The following BANK1 variants were observed in gnomAD, a reference collection of about 807,000 sequenced individuals.
The protein encoded by BANK1 is B-cell scaffold protein with ankyrin repeats.
In BANK1, 95 loss-of-function variants were observed where a neutral mutation model predicts 94.5. That is an observed-to-expected ratio of 1.00 (90% CI 0.85 to 1.19). The LOEUF (loss-of-function observed/expected upper bound fraction) is 1.19, where lower values mean the gene tolerates loss of function less well. Among genes scored for constraint, BANK1 ranks in the 50% most tolerant of loss-of-function variants. BANK1 has a pLI of 0.00. For synonymous variants in BANK1, 334 were observed against 308.4 expected (o/e 1.08, Z -0.87); for missense variants, 987 against 932.2 (o/e 1.06, Z -0.77).
At chr4:101,971,865 G>A (rs1724966769) in intron 7 of BANK1, among the ~76,000 whole-genome samples, 1 of 151,998 alleles carries the variant, frequency 6.6e-6, no homozygotes, top group Non-Finnish European at 1.5e-5. Context: ...TCTTGCCAGT[G>A]CCGTGCTGTT....
At chr4:101,907,135 T>C (rs925999114) in intron 6 of BANK1, among the ~76,000 whole-genome samples, 7 of 152,218 alleles carry the variant, frequency 4.6e-5, no homozygotes, top group African/African-American at 1.7e-4. Context: ...CAGGAACATG[T>C]CCTTAAGGCA....
intron 8 of BANK1, among the ~76,000 whole-genome samples, chr4:102,024,933 A>C (rs1727028956): frequency 6.6e-6 from 1 of 152,216 alleles, no homozygotes; most frequent in Non-Finnish European, 1.5e-5. Flanking sequence ...CAATAACTCT[A>C]AAGAATCAGA....
intron 13 of BANK1, among the ~76,000 whole-genome samples, chr4:102,063,493 T>C (rs910824775): frequency 2.0e-5 from 3 of 151,954 alleles, no homozygotes; most frequent in East Asian, 1.9e-4. Context: ...AAGTTGCAAA[T>C]AGGACAACTC....
At chr4:101,833,503 A>C (rs1184721414) in intron 2 of BANK1, among the ~76,000 whole-genome samples, 2 of 152,136 alleles carry the variant, frequency 1.3e-5, no homozygotes, top group Non-Finnish European at 2.9e-5. Context: ...TTAGAACCAA[A>C]CTGCTTCCAT....
intron 7 of BANK1, among the ~76,000 whole-genome samples, chr4:101,935,943 C>T (rs944249004): frequency 1.3e-5 from 2 of 151,550 alleles, no homozygotes; most frequent in East Asian, 2.0e-4. Context: ...AAATCTAACA[C>T]GTCAAGCTAT....
chr4:101,932,768 G>A (rs762332372), intron 7 of BANK1, among the ~76,000 whole-genome samples: 1 of 151,374 alleles, frequency 6.6e-6, no homozygotes, highest in Non-Finnish European at 1.5e-5. Context: ...TGGATGAGAC[G>A]GAACAGAGAG....
chr4:102,003,877 A>C lies in BANK1; in HGVS notation c.1207-17637A>C, dbSNP rs1305237645. Reference sequence around the variant, plus strand: ...TCATATTTAAATATATTTCATGTTCATATATGTATATACATATATGTGTGT... The same window carrying C: ...TCATATTTAAATATATTTCATGTTCCTATATGTATATACATATATGTGTGT... On this transcript the variant is annotated intron_variant, in intron 7 of 16. Transcript: ENST00000322953. 2.0e-5 allele frequency among the ~76,000 whole-genome samples: 3 copies of C among 151,506 alleles called. No individual in the cohort carries two copies. The East Asian group carries it at 5.8e-4, about 29-fold the overall frequency.
At chr4:101,962,061 T>C (rs1724589029) in intron 7 of BANK1, among the ~76,000 whole-genome samples, 1 of 152,192 alleles carries the variant, frequency 6.6e-6, no homozygotes, top group Non-Finnish European at 1.5e-5. Context: ...GTTGGAGATA[T>C]AAATCAAATG....
At chr4:101,918,278 G>A (rs1462142560) in intron 7 of BANK1, 89 bp downstream of exon 7, 15 of 905,680 alleles carry the variant, frequency 1.7e-5, no homozygotes, top group Middle Eastern at 3.4e-4. Context: ...TACCTTTACC[G>A]TTTTCTTTAA....
chr4:101,920,550 A>G (rs1722969390), intron 7 of BANK1, among the ~76,000 whole-genome samples: 1 of 151,922 alleles, frequency 6.6e-6, no homozygotes, highest in Admixed American at 6.6e-5. Context: ...AGATCCTCAC[A>G]AATGCATTCA....
At chr4:101,976,898 A>G (rs1217665252) in intron 7 of BANK1, 1 of 152,196 alleles carries the variant, frequency 6.6e-6, no homozygotes, top group African/African-American at 2.4e-5. Context: ...GCATTATTTT[A>G]CAGGATGCAG....
intron 5 of BANK1, among the ~76,000 whole-genome samples, chr4:101,892,196 TTATTA>T (rs1721901320): frequency 1.3e-5 from 2 of 150,638 alleles, no homozygotes; most frequent in South Asian, 4.1e-4. Flanking sequence ...ATTTATATCT[TTATTA>T]TATTTATATT....
chr4:101,817,122 AT>A (rs1222308694), intron 1 of BANK1, among the ~76,000 whole-genome samples: 1 of 152,152 alleles, frequency 6.6e-6, no homozygotes, highest in Non-Finnish European at 1.5e-5. Context: ...GGGCCCAAAT[AT>A]GTTTGTTTCC....
intron 2 of BANK1, among the ~76,000 whole-genome samples, chr4:101,838,366 C>T (rs1726909433): frequency 1.3e-5 from 2 of 152,144 alleles, no homozygotes; most frequent in Admixed American, 1.3e-4. Flanking sequence ...TTTTATTACT[C>T]AGGATCATTG....
chr4:101,842,217 G>A (rs1032666594), intron 2 of BANK1, among the ~76,000 whole-genome samples: 2 of 152,146 alleles, frequency 1.3e-5, no homozygotes, highest in Admixed American at 6.5e-5. Context: ...CCCATGTTGC[G>A]TCAGAACACT....
chr4:101,804,941 T>A (rs1725504033), intron 1 of BANK1, among the ~76,000 whole-genome samples: 1 of 152,196 alleles, frequency 6.6e-6, no homozygotes, highest in Admixed American at 6.5e-5. Context: ...ATATTTTGAA[T>A]GTGTGTGTTT....
At chr4:101,810,555 ATATT>A (rs747258845) in intron 1 of BANK1, among the ~76,000 whole-genome samples, 1 of 152,234 alleles carries the variant, frequency 6.6e-6, no homozygotes, top group Non-Finnish European at 1.5e-5. Flanking sequence ...GGCAAGATAT[ATATT>A]TATACATTAT....
At chr4:102,063,854 A>C (rs1033012772) in intron 13 of BANK1, among the ~76,000 whole-genome samples, 47 of 151,730 alleles carry the variant, frequency 3.1e-4, no homozygotes, top group Admixed American at 3.1e-3. Context: ...ATGATTAAAG[A>C]GACATGCTTT....
chr4:101,880,830 C>T (rs143119756), intron 5 of BANK1, among the ~76,000 whole-genome samples: 95 of 152,166 alleles, frequency 6.2e-4, no homozygotes, highest in African/African-American at 2.1e-3. Flanking sequence ...GGAAAAGACA[C>T]TCTGTTGAAT....
Sources: allele counts gnomAD v4.1 joint callset (sites outside exome capture counted in the v4.1 genomes callset), GRCh38; gene constraint gnomAD v4.1.1; transcripts MANE v1.5; gene names NCBI Gene and HGNC (gene_info 2026-07-23, HGNC 2026-07-21).